Variants in PHF21A observed in about 807,000 individuals in gnomAD.
The protein encoded by PHF21A is PHD finger protein 21A.
A neutral mutation model predicts 82.5 loss-of-function variants in PHF21A; 11 were observed. The observed-to-expected ratio is 0.13, with a 90% CI of 0.08 to 0.22. The LOEUF is 0.22. Ranked by LOEUF, PHF21A falls within the 10% of genes least tolerant of loss-of-function variation. The pLI is 1.00. For synonymous variants in PHF21A, 297 were observed against 302.8 expected, an observed-to-expected ratio of 0.98 and a Z score of 0.20; for missense variants, 579 against 837.8, an observed-to-expected ratio of 0.69 and a Z score of 3.81.
chr11:46,109,245 A>G (rs996749537), intron 1 of PHF21A, among the ~76,000 whole-genome samples: 1 of 152,204 alleles, frequency 6.6e-6, no homozygotes, highest in Non-Finnish European at 1.5e-5. Context: ...CCTCATTTGT[A>G]AAATGGAGGT....
chr11:45,962,666 T>C (rs12796678), intron 10 of PHF21A, among the ~76,000 whole-genome samples: 1 of 125,104 alleles, frequency 8.0e-6, no homozygotes, highest in Non-Finnish European at 1.7e-5. Context: ...CCAAGGCAGG[T>C]GGGTCGCCTG....
At chr11:46,038,812 T>C (rs993653016) in intron 6 of PHF21A, among the ~76,000 whole-genome samples, 10 of 152,182 alleles carry the variant, frequency 6.6e-5, no homozygotes, top group African/African-American at 1.9e-4. Context: ...TGTGGATTGA[T>C]TAATCCGTTC....
At chr11:46,109,493 G>C (rs1002790096) in intron 1 of PHF21A, among the ~76,000 whole-genome samples, 1 of 152,140 alleles carries the variant, frequency 6.6e-6, no homozygotes, top group Admixed American at 6.5e-5. Flanking sequence ...ATGTAAGTTT[G>C]TATATTAACA....
intron 5 of PHF21A, among the ~76,000 whole-genome samples, chr11:46,078,510 C>G (rs971164568): frequency 6.6e-6 from 1 of 152,088 alleles, no homozygotes; most frequent in African/African-American, 2.4e-5. Flanking sequence ...GAAAACATCT[C>G]TTCAGAAATA....
intron 15 of PHF21A, among the ~76,000 whole-genome samples, chr11:45,939,101 G>C (rs1174159366): frequency 2.0e-5 from 3 of 152,156 alleles, no homozygotes; most frequent in Non-Finnish European, 4.4e-5. Flanking sequence ...CAAAGTGCTG[G>C]GATTACAGGC....
chr11:46,011,199 T>C (rs1421682208), intron 6 of PHF21A, among the ~76,000 whole-genome samples: 1 of 151,974 alleles, frequency 6.6e-6, no homozygotes, highest in Non-Finnish European at 1.5e-5. Flanking sequence ...TATAAAAGTG[T>C]TCAATGAGGT....
intron 1 of PHF21A, among the ~76,000 whole-genome samples, chr11:46,103,823 T>C (rs891676916): frequency 2.0e-5 from 3 of 152,204 alleles, no homozygotes; most frequent in East Asian, 3.8e-4. Flanking sequence ...AAGTTAATTA[T>C]ATTTTACACT....
intron 13 of PHF21A, 134 bp from the exon 14 acceptor site, chr11:45,949,080 T>C (rs2091736684): frequency 1.3e-6 from 1 of 763,634 alleles, no homozygotes; most frequent in African/African-American, 1.7e-5. Flanking sequence ...AAGGTCTCAA[T>C]GCTCAAGGGT....
At chr11:45,938,656 A>G (rs1348282391) in intron 15 of PHF21A, among the ~76,000 whole-genome samples, 2 of 152,208 alleles carry the variant, frequency 1.3e-5, no homozygotes, top group African/African-American at 4.8e-5. Flanking sequence ...ACAATAAGAG[A>G]TTAACAACAG....
At chr11:46,034,537 T>C (rs1423082510) in intron 6 of PHF21A, among the ~76,000 whole-genome samples, 1 of 152,214 alleles carries the variant, frequency 6.6e-6, no homozygotes, top group Non-Finnish European at 1.5e-5. Flanking sequence ...ATTTTTATAA[T>C]GTTATATATT....
chr11:46,064,473 C>T (rs529801869), intron 6 of PHF21A, among the ~76,000 whole-genome samples: 1 of 152,280 alleles, frequency 6.6e-6, no homozygotes, highest in South Asian at 2.1e-4. Context: ...CCTGCTGATT[C>T]ACACAAACAT....
intron 6 of PHF21A, among the ~76,000 whole-genome samples, chr11:46,048,546 G>A (rs560356857): frequency 6.6e-6 from 1 of 152,208 alleles, no homozygotes; most frequent in East Asian, 1.9e-4. Context: ...GAGGCAGGCA[G>A]GTCACCTGAG....
At chr11:45,950,361 G>C in intron 11 of PHF21A, 104 bp from the exon 12 acceptor site, 1 of 865,732 alleles carries the variant, frequency 1.2e-6, no homozygotes, top group Non-Finnish European at 1.9e-6. Flanking sequence ...CAATGGGCGG[G>C]TCTCATGAAT....
chr11:45,966,732 GC>G (rs2135964070), intron 9 of PHF21A, among the ~76,000 whole-genome samples: 1 of 152,210 alleles, frequency 6.6e-6, no homozygotes, highest in Non-Finnish European at 1.5e-5. Flanking sequence ...TGATTCTCCT[GC>G]CCCAGCCTCC....
At chr11:45,964,569 C>T (rs1276556735) in intron 10 of PHF21A, among the ~76,000 whole-genome samples, 1 of 152,164 alleles carries the variant, frequency 6.6e-6, no homozygotes, top group African/African-American at 2.4e-5. Flanking sequence ...CTTTTTAAAG[C>T]AACTTTCTTG....
chr11:45,939,375 G>A (rs1021743659), intron 15 of PHF21A, among the ~76,000 whole-genome samples: 2 of 152,104 alleles, frequency 1.3e-5, no homozygotes, highest in African/African-American at 4.8e-5. Flanking sequence ...ACAAATATTG[G>A]AGTTTTCCTG....
Position 45,953,625 on chromosome 11 carries a change from T to C in PHF21A, c.997A>G (p.Thr333Ala). The change falls in exon 11 of 19, where the codon ACA becomes GCA. Residue 333 changes from threonine to alanine, a missense_variant and splice_region_variant. By Grantham distance (58) the Thr-to-Ala change is moderately conservative. Around this residue, in one of 3 missense-constraint regions of PHF21A, gnomAD observed 410 missense variants for 642.1 expected, o/e 0.64. Transcript: ENST00000676320. ...QLSKPSLEKQ[T>A]VKSHTETDEK... is the part of the protein sequence containing the mutation. ...TCTGTTTCTGTGTGAGATTTAACTGTCTAGGAGAGAAAAATTAAATAAAAA... is the reference window on the plus strand; with the variant it reads ...TCTGTTTCTGTGTGAGATTTAACTGCCTAGGAGAGAAAAATTAAATAAAAA... 1 of 1,599,666 alleles carries C rather than the reference T, an allele frequency of 6.3e-7. No homozygotes were observed. Among genetic ancestry groups the C allele is most frequent in the Non-Finnish European group, 8.6e-7 (1 of 1,167,704 alleles).
rs557505987 is a variant in PHF21A, at chr11:45,982,251, C to T, written c.154-2285G>A. Among the ~76,000 whole-genome samples the T allele has an allele frequency of 9.2e-5, 14 of 152,146 alleles. No homozygotes were observed. In the South Asian group the frequency reaches 2.9e-3, roughly 32 times the overall value. ...GGATTATAGGCATAAGCCACCACGC[C>T]CGGCTGAGAGGTTTTTAGAAAAATA... On this transcript the variant is annotated intron_variant, in intron 6 of 18. Coordinates refer to ENST00000676320, the MANE Select transcript of PHF21A (RefSeq NM_001352027.3).
intron 1 of PHF21A, among the ~76,000 whole-genome samples, chr11:46,109,380 C>T (rs1023992822): frequency 2.0e-5 from 3 of 152,044 alleles, no homozygotes; most frequent in African/African-American, 7.2e-5. Flanking sequence ...AACAGATAAA[C>T]CTAAGGTACA....
Sources: gnomAD v4.1 joint callset for allele counts (sites outside exome capture counted in the v4.1 genomes callset) on GRCh38, gnomAD v4.1.1 for gene constraint, gnomAD v4.1.1 regional missense constraint, MANE v1.5 for transcripts, NCBI Gene and HGNC (gene_info 2026-07-23, HGNC 2026-07-21) for gene names.